CLNK: variants seen among roughly 807,000 people sequenced by gnomAD.
The protein encoded by CLNK is cytokine dependent hematopoietic cell linker, also known as cytokine-dependent hematopoietic cell linker.
CLNK carries 74 observed loss-of-function variants against 68.6 expected under a neutral mutation model. The ratio of observed to expected loss-of-function variants is 1.08; its 90% CI spans 0.89 to 1.31. The LOEUF (loss-of-function observed/expected upper bound fraction) is 1.31. CLNK is among the 50% of genes most tolerant of loss of function. CLNK has a pLI of 0.00. For synonymous variants in CLNK, 198 were observed against 172.2 expected, an observed-to-expected ratio of 1.15 and a Z score of -1.17; for missense variants, 553 against 515.3, an observed-to-expected ratio of 1.07 and a Z score of -0.71.
At chr4:10,700,002 ATATG>A in the CLNK span, among the ~76,000 whole-genome samples, 7 of 39,786 alleles carry the variant, frequency 1.8e-4, no homozygotes, top group South Asian at 9.7e-3. Context: ...CTGTGTGTGC[ATATG>A]TGTGTGTGTG....
chr4:10,562,863 C>T (rs1719954745), intron 7 of CLNK, among the ~76,000 whole-genome samples: 1 of 152,120 alleles, frequency 6.6e-6, no homozygotes, highest in Non-Finnish European at 1.5e-5. Flanking sequence ...TCACTGGTCT[C>T]CTACCATTAG....
At chr4:10,613,226 C>G (rs761368149) in intron 2 of CLNK, among the ~76,000 whole-genome samples, 4 of 151,896 alleles carry the variant, frequency 2.6e-5, no homozygotes, top group African/African-American at 9.7e-5. Flanking sequence ...GACTGTAGAG[C>G]AGGTGGGGGA....
intron 8 of CLNK, among the ~76,000 whole-genome samples, chr4:10,551,242 G>A (rs1296223232): frequency 6.6e-6 from 1 of 151,872 alleles, no homozygotes; most frequent in African/African-American, 2.4e-5. Flanking sequence ...ATATATGCAA[G>A]ACCACCCCCC....
chr4:10,606,656 C>A (rs559878932), intron 2 of CLNK, among the ~76,000 whole-genome samples: 1 of 152,204 alleles, frequency 6.6e-6, no homozygotes, highest in African/African-American at 2.4e-5. Context: ...GTTATAGCAG[C>A]TGCCGCATTA....
chr4:10,619,933 A>G (rs972811474), intron 2 of CLNK, among the ~76,000 whole-genome samples: 2 of 152,140 alleles, frequency 1.3e-5, no homozygotes, highest in African/African-American at 4.8e-5. Flanking sequence ...GTTTTCCCAT[A>G]ATACTCTGTG....
intron 2 of CLNK, among the ~76,000 whole-genome samples, chr4:10,619,763 T>C (rs929142412): frequency 5.3e-5 from 8 of 152,308 alleles, no homozygotes; most frequent in African/African-American, 1.9e-4. Context: ...CCACACAGGC[T>C]CTCAAGTAGT....
intron 15 of CLNK, chr4:10,517,329 A>G: frequency 6.6e-6 from 1 of 152,222 alleles, no homozygotes; most frequent in Non-Finnish European, 1.5e-5. Context: ...AGGAGGCACA[A>G]CATAATATAA....
In CLNK at chr4:10,525,822, AG is replaced by A; in HGVS notation, c.731+18del. The A allele has an allele frequency of 6.6e-7, 1 of 1,512,066 alleles. No homozygotes were observed. The allele number at this position is 1,512,066 out of a possible 1,614,324, so 93.7% of individuals were successfully genotyped here. A position where few individuals can be genotyped will look rare whatever the true frequency, so the allele number is the denominator to read the frequency against. ...GACCCCTCAGCCTCAGACCTGAGAA[AG>A]GATTCCTGGCTCCTTACCTGCTAAT... On this transcript the variant is annotated intron_variant, in intron 14 of 18. Coordinates refer to ENST00000226951, the MANE Select transcript of CLNK (RefSeq NM_052964.4).
chr4:10,509,661 A>G (rs1314073645), intron 16 of CLNK, among the ~76,000 whole-genome samples: 1 of 151,724 alleles, frequency 6.6e-6, no homozygotes, highest in Non-Finnish European at 1.5e-5. Context: ...AGTGGCTGGG[A>G]TTACAGGCAT....
At chr4:10,698,075 C>T in the CLNK span, among the ~76,000 whole-genome samples, 6 of 151,984 alleles carry the variant, frequency 3.9e-5, no homozygotes, top group African/African-American at 9.7e-5. Flanking sequence ...GATTGTAGTT[C>T]GGAATTAAGA....
At chr4:10,600,599 TC>T (rs1721556685) in intron 2 of CLNK, among the ~76,000 whole-genome samples, 1 of 152,242 alleles carries the variant, frequency 6.6e-6, no homozygotes, top group Non-Finnish European at 1.5e-5. Context: ...AGCCTGGGCA[TC>T]TTTTTCTCTC....
intron 8 of CLNK, among the ~76,000 whole-genome samples, chr4:10,548,841 A>G (rs1560211658): frequency 6.6e-6 from 1 of 152,128 alleles, no homozygotes; most frequent in Non-Finnish European, 1.5e-5. Flanking sequence ...CAATGCATGC[A>G]TTTATTTCTG....
chr4:10,642,661 A>T (rs577343597), intron 2 of CLNK, among the ~76,000 whole-genome samples: 1 of 152,152 alleles, frequency 6.6e-6, no homozygotes, highest in Non-Finnish European at 1.5e-5. Context: ...TCTATATGCC[A>T]AAAAAGGGGG....
chr4:10,609,023 T>C lies in CLNK; in HGVS notation c.12-10974A>G, dbSNP rs140880581. 1.1e-3 allele frequency among the ~76,000 whole-genome samples: 167 copies of C among 152,250 alleles called. 1 individual carries two copies. In the East Asian group the frequency reaches 0.031, roughly 28 times the overall value. ...CCCCACTTAACAATACCATCATTGG[T>C]AGTTGGAATTTTGACGTAGGAACTT... On this transcript the variant is annotated intron_variant, in intron 2 of 18. Transcript: ENST00000226951.
At chr4:10,561,802 A>G (rs374884007) in intron 7 of CLNK, among the ~76,000 whole-genome samples, 17 of 152,162 alleles carry the variant, frequency 1.1e-4, no homozygotes, top group African/African-American at 3.6e-4. Context: ...CCAGACCGAG[A>G]AAGTCTTTTT....
chr4:10,678,020 T>C (rs1724944538), intron 1 of CLNK, among the ~76,000 whole-genome samples: 1 of 152,172 alleles, frequency 6.6e-6, no homozygotes, highest in African/African-American at 2.4e-5. Context: ...AGTGAACAAA[T>C]GCACAGTGTG....
chr4:10,664,445 T>TG (rs1724315353), intron 2 of CLNK, among the ~76,000 whole-genome samples: 2 of 152,098 alleles, frequency 1.3e-5, no homozygotes, highest in Admixed American at 1.3e-4. Context: ...TGTGTGGTGA[T>TG]GGGGGGCACA....
the CLNK span, among the ~76,000 whole-genome samples, chr4:10,726,961 A>T: frequency 6.6e-6 from 1 of 152,168 alleles, no homozygotes; most frequent in South Asian, 2.1e-4. Flanking sequence ...ATAGCAAGTG[A>T]CGGGCCAAAA....
chr4:10,566,107 C>T lies in CLNK; in HGVS notation c.194G>A (p.Ser65Asn), dbSNP rs1047778352. The change falls in exon 6 of 19, where the codon AGT becomes AAT. Residue 65 changes from serine to asparagine, a missense_variant. Ser to Asn is a conservative substitution (Grantham distance 46). Transcript: ENST00000226951. Reference protein sequence around the residue: ...AAVLDGAKGHSDDDYDDPELR... With the variant: ...AAVLDGAKGHNDDDYDDPELR... Reference sequence around the variant, plus strand: ...CTCAGGGTCATCATAGTCATCATCACTGTGGCCTTTTGCTCCATCCAGGAC... The same window carrying T: ...CTCAGGGTCATCATAGTCATCATCATTGTGGCCTTTTGCTCCATCCAGGAC... 3.7e-6 allele frequency: 6 copies of T among 1,613,822 alleles called. No individual in the cohort carries two copies. In the African/African-American group the frequency reaches 4.0e-5, roughly 11 times the overall value.
Sources: allele counts gnomAD v4.1 joint callset (sites outside exome capture counted in the v4.1 genomes callset), GRCh38; gene constraint gnomAD v4.1.1; transcripts MANE v1.5; gene names NCBI Gene and HGNC (gene_info 2026-07-23, HGNC 2026-07-21).